FSTL5: variants seen among roughly 807,000 people sequenced by gnomAD.
FSTL5 encodes the protein follistatin-related protein 5.
In FSTL5, 62 loss-of-function variants were observed where a neutral mutation model predicts 89.1. That is an observed-to-expected ratio of 0.70 (90% CI 0.57 to 0.86). The LOEUF is 0.86. Ranked by LOEUF, FSTL5 falls within the 40% of genes least tolerant of loss-of-function variation. The pLI, the probability that FSTL5 is intolerant of heterozygous loss-of-function variation, is 0.00. For missense variants in FSTL5, 1,057 were observed against 1,001.6 expected (o/e 1.06, Z -0.75); for synonymous variants, 383 against 346.2 (o/e 1.11, Z -1.18).
intron 4 of FSTL5, among the ~76,000 whole-genome samples, chr4:161,861,339 T>C (rs2126890393): frequency 6.6e-6 from 1 of 152,042 alleles, no homozygotes; most frequent in South Asian, 2.1e-4. Flanking sequence ...GGGGTATCGT[T>C]TGAACCCGGG....
chr4:161,622,452 G>A (rs1735171000), intron 7 of FSTL5, among the ~76,000 whole-genome samples: 1 of 151,840 alleles, frequency 6.6e-6, no homozygotes. Flanking sequence ...AGACCCTCAT[G>A]AATAACTCTC....
intron 15 of FSTL5, among the ~76,000 whole-genome samples, 178 bp downstream of exon 15, chr4:161,454,826 G>A (rs1238814364): frequency 6.6e-6 from 1 of 152,172 alleles, no homozygotes; most frequent in Admixed American, 6.5e-5. Flanking sequence ...CATTTTATGG[G>A]AAATTCATCA....
At chr4:162,133,138 A>G (rs1732380408) in intron 1 of FSTL5, among the ~76,000 whole-genome samples, 1 of 152,088 alleles carries the variant, frequency 6.6e-6, no homozygotes, top group South Asian at 2.1e-4. Context: ...TTTAGTAGAG[A>G]CGGGGTTTCA....
intron 4 of FSTL5, among the ~76,000 whole-genome samples, chr4:161,908,732 C>T (rs1225759218): frequency 6.6e-6 from 1 of 152,090 alleles, no homozygotes; most frequent in African/African-American, 2.4e-5. Context: ...AAACTTTATA[C>T]ACTTTGTTTA....
chr4:161,736,886 G>A (rs1579057891), intron 6 of FSTL5, among the ~76,000 whole-genome samples: 1 of 152,022 alleles, frequency 6.6e-6, no homozygotes, highest in South Asian at 2.1e-4. Context: ...AAATAATAAA[G>A]AGCCATATCT....
chr4:161,702,214 C>T (rs144831662), intron 6 of FSTL5, among the ~76,000 whole-genome samples: 52 of 152,122 alleles, frequency 3.4e-4, no homozygotes, highest in African/African-American at 1.1e-3. Flanking sequence ...TAAGTAAAAC[C>T]ACATTAAAAT....
chr4:161,451,451 A>G (rs1234043999), intron 15 of FSTL5, among the ~76,000 whole-genome samples: 1 of 152,224 alleles, frequency 6.6e-6, no homozygotes, highest in Admixed American at 6.5e-5. Context: ...AGGCAGGGAA[A>G]AGTACAGACT....
At chr4:161,768,459 C>T (rs1741093359) in intron 5 of FSTL5, among the ~76,000 whole-genome samples, 3 of 151,798 alleles carry the variant, frequency 2.0e-5, no homozygotes, top group Non-Finnish European at 4.4e-5. Flanking sequence ...TACAGAAATT[C>T]GACTTGAGAG....
chr4:161,522,786 C>T (rs1361132576), intron 10 of FSTL5, among the ~76,000 whole-genome samples: 1 of 151,306 alleles, frequency 6.6e-6, no homozygotes, highest in Non-Finnish European at 1.5e-5. Context: ...TGCCATACTG[C>T]TAATAAAAGT....
chr4:161,540,353 A>G (rs542738124), intron 9 of FSTL5, among the ~76,000 whole-genome samples: 1 of 152,174 alleles, frequency 6.6e-6, no homozygotes, highest in East Asian at 1.9e-4. Flanking sequence ...ATCCACCTCT[A>G]CTTTTACTTC....
At chr4:161,516,671 C>T (rs905485611) in intron 10 of FSTL5, among the ~76,000 whole-genome samples, 2 of 138,444 alleles carry the variant, frequency 1.4e-5, no homozygotes, top group African/African-American at 5.4e-5. Context: ...TATACACACA[C>T]TAAGTATATA....
At chr4:162,118,488 C>G (rs1261163864) in intron 1 of FSTL5, among the ~76,000 whole-genome samples, 1 of 152,136 alleles carries the variant, frequency 6.6e-6, no homozygotes, top group Non-Finnish European at 1.5e-5. Context: ...GTCTCGATCT[C>G]CTGACCTCGT....
At chr4:162,028,312 C>T (rs1459754962) in intron 3 of FSTL5, among the ~76,000 whole-genome samples, 1 of 152,170 alleles carries the variant, frequency 6.6e-6, no homozygotes, top group East Asian at 1.9e-4. Context: ...TGAGGTGGCT[C>T]ATGCTTGTAA....
At chr4:161,592,608 C>A (rs1733860979) in intron 7 of FSTL5, among the ~76,000 whole-genome samples, 1 of 152,120 alleles carries the variant, frequency 6.6e-6, no homozygotes, top group African/African-American at 2.4e-5. Flanking sequence ...TGAACTCATC[C>A]TTTTCTATGG....
At position 162,051,178 on chromosome 4, in the gene FSTL5, A is replaced by T. The variant is rs201480058; in HGVS notation, c.127-17520T>A. 7.3e-5 allele frequency among the ~76,000 whole-genome samples: 11 copies of T among 151,652 alleles called. No individual in the cohort carries two copies. In the East Asian group the frequency reaches 1.2e-3, roughly 16 times the overall value. ...TATCAATACTAAAATCTCAGATAAA[A>T]TGTTGATTAAAAATATTGTAGAGAA... On this transcript the variant is annotated intron_variant, in intron 2 of 15. Transcript: ENST00000306100.
intron 4 of FSTL5, among the ~76,000 whole-genome samples, chr4:161,814,991 T>G (rs1435934142): frequency 1.3e-5 from 2 of 152,084 alleles, no homozygotes; most frequent in African/African-American, 4.8e-5. Flanking sequence ...TTTTATATTT[T>G]AAATTTAAAG....
intron 3 of FSTL5, among the ~76,000 whole-genome samples, chr4:161,946,301 C>G (rs550716563): frequency 3.7e-4 from 57 of 152,274 alleles, no homozygotes; most frequent in Non-Finnish European, 7.8e-4. Context: ...CTTCTCCCAC[C>G]TACTTCTGTT....
intron 6 of FSTL5, among the ~76,000 whole-genome samples, chr4:161,673,319 T>G (rs973791071): frequency 2.0e-5 from 3 of 152,062 alleles, no homozygotes; most frequent in Non-Finnish European, 4.4e-5. Context: ...TGTAAAAGTT[T>G]TCAAACTTTT....
intron 2 of FSTL5, among the ~76,000 whole-genome samples, chr4:162,093,952 G>C (rs538150977): frequency 1.6e-3 from 237 of 152,184 alleles, no homozygotes; most frequent in Non-Finnish European, 2.5e-3. Flanking sequence ...GGTCACAGCA[G>C]CAATAATATA....
Sources: gnomAD v4.1 joint callset for allele counts (sites outside exome capture counted in the v4.1 genomes callset) on GRCh38, gnomAD v4.1.1 for gene constraint, MANE v1.5 for transcripts, NCBI Gene and HGNC (gene_info 2026-07-23, HGNC 2026-07-21) for gene names.